Variants in CCDC85A observed in about 807,000 individuals in gnomAD.
CCDC85A encodes the protein coiled-coil domain containing 85A.
A neutral mutation model predicts 50.2 loss-of-function variants in CCDC85A; 38 were observed. That is an observed-to-expected ratio of 0.76 (90% CI 0.58 to 0.99). The LOEUF is 0.99. Among genes scored for constraint, CCDC85A ranks in the 50% least tolerant of loss-of-function variants. The pLI is 0.00. For synonymous variants in CCDC85A, 366 were observed against 301.4 expected (o/e 1.21, Z -2.22); for missense variants, 820 against 742.0 (o/e 1.11, Z -1.22).
intron 2 of CCDC85A, among the ~76,000 whole-genome samples, chr2:56,223,540 C>A (rs1417312356): frequency 6.6e-6 from 1 of 152,082 alleles, no homozygotes; most frequent in Non-Finnish European, 1.5e-5. Flanking sequence ...AATATAGATT[C>A]GAATCATTGC....
At chr2:56,285,403 C>T (rs768116710) in intron 2 of CCDC85A, among the ~76,000 whole-genome samples, 8 of 147,792 alleles carry the variant, frequency 5.4e-5, no homozygotes, top group East Asian at 2.0e-4. Context: ...CACACCTGGC[C>T]GAGTACATTT....
At chr2:56,330,923 G>C (rs745960133) in intron 2 of CCDC85A, among the ~76,000 whole-genome samples, 13 of 152,150 alleles carry the variant, frequency 8.5e-5, no homozygotes, top group Admixed American at 2.6e-4. Flanking sequence ...ACCTGCACTT[G>C]TATATTTATA....
At chr2:56,366,436 T>C (rs181116155) in intron 3 of CCDC85A, among the ~76,000 whole-genome samples, 6 of 152,320 alleles carry the variant, frequency 3.9e-5, no homozygotes, top group African/African-American at 1.4e-4. Context: ...TTTTTGATAA[T>C]AGTCATTTTA....
intron 2 of CCDC85A, among the ~76,000 whole-genome samples, chr2:56,313,250 T>A (rs895905661): frequency 2.0e-5 from 3 of 152,136 alleles, no homozygotes; most frequent in Non-Finnish European, 2.9e-5. Flanking sequence ...TTAAGTAATA[T>A]TTATATTTTT....
At chr2:56,295,595 T>C (rs1196984216) in intron 2 of CCDC85A, among the ~76,000 whole-genome samples, 1 of 152,154 alleles carries the variant, frequency 6.6e-6, no homozygotes, top group Non-Finnish European at 1.5e-5. Context: ...GCGTGGCAAG[T>C]GCTTGGCTCC....
At chr2:56,336,561 C>G (rs1015164447) in intron 2 of CCDC85A, among the ~76,000 whole-genome samples, 2 of 152,196 alleles carry the variant, frequency 1.3e-5, no homozygotes, top group Admixed American at 6.5e-5. Context: ...TTCATCTAAT[C>G]AAAACCACTC....
intron 2 of CCDC85A, among the ~76,000 whole-genome samples, chr2:56,225,728 TATTGCCATCCTAACA>T (rs1379498256): frequency 6.6e-6 from 1 of 152,216 alleles, no homozygotes; most frequent in Non-Finnish European, 1.5e-5. Context: ...ATTTGAAGAC[TATTGCCATCCTAACA>T]ATATTAAATC....
rs1676804846 is a variant in CCDC85A, at chr2:56,386,046, C to T, written c.*1691C>T. ...AGAAGCTAATACAAGGGACACTGGT[C>T]TTTTGACAAAATAAACTTGTGTAAA... is the stretch of plus-strand genomic sequence containing the variant. On this transcript the variant is annotated 3_prime_UTR_variant, in exon 6 of 6. Transcript: ENST00000407595. The T allele has an allele frequency of 1.3e-5, 2 of 152,146 alleles. No individual in the cohort carries two copies. The highest frequency in any genetic ancestry group is 2.9e-5 in the Non-Finnish European group (2 of 67,798). The allele number at this position is 152,146 out of a possible 1,614,324, so 9.4% of individuals were successfully genotyped here. A position where few individuals can be genotyped will look rare whatever the true frequency, so the allele number is the denominator to read the frequency against.
At chr2:56,213,621 G>A (rs1677269623) in intron 2 of CCDC85A, among the ~76,000 whole-genome samples, 1 of 151,858 alleles carries the variant, frequency 6.6e-6, no homozygotes, top group South Asian at 2.1e-4. Context: ...CGGGCTCTAG[G>A]ATCTAGGCCA....
chr2:56,327,534 T>G (rs1365967283), intron 2 of CCDC85A, among the ~76,000 whole-genome samples: 1 of 152,172 alleles, frequency 6.6e-6, no homozygotes, highest in Non-Finnish European at 1.5e-5. Context: ...TCGCCTTTTA[T>G]GCTAAATCAG....
intron 2 of CCDC85A, among the ~76,000 whole-genome samples, chr2:56,198,408 G>A (rs1676610849): frequency 6.6e-6 from 1 of 152,180 alleles, no homozygotes; most frequent in Non-Finnish European, 1.5e-5. Context: ...CTGACAGATG[G>A]TTAAAGAAAT....
intron 2 of CCDC85A, among the ~76,000 whole-genome samples, chr2:56,264,795 C>G (rs1293741396): frequency 6.6e-6 from 1 of 152,188 alleles, no homozygotes; most frequent in African/African-American, 2.4e-5. Flanking sequence ...GCCTCACCTC[C>G]CAGCATGCTC....
In CCDC85A at chr2:56,377,887, C is replaced by CAAA. The variant is rs58497352; in HGVS notation, c.1572+1966_1572+1968dup. 3.8e-4 allele frequency among the ~76,000 whole-genome samples: 36 copies of CAAA among 95,570 alleles called. 1 individual carries two copies. In the South Asian group the frequency reaches 8.0e-3, roughly 21 times the overall value. The allele number at this position is 95,570 out of a possible 152,430, so 62.7% of individuals were successfully genotyped here. ...TGGGTGACAGTGTGAAACTCCGTCT[C>CAAA]AAAAAAAAAAAAAAAAGATATATAT... is the stretch of plus-strand genomic sequence containing the variant. On this transcript the variant is annotated intron_variant, in intron 5 of 5. Transcript: ENST00000407595.
At chr2:56,266,044 G>A (rs574740010) in intron 2 of CCDC85A, among the ~76,000 whole-genome samples, 3 of 152,140 alleles carry the variant, frequency 2.0e-5, no homozygotes, top group Middle Eastern at 3.4e-3. Context: ...AGCCAGACAC[G>A]GAAAGACAAA....
chr2:56,195,166 A>C lies in CCDC85A; in HGVS notation c.1240+1726A>C, dbSNP rs573329029. 1.5e-3 allele frequency among the ~76,000 whole-genome samples: 224 copies of C among 152,372 alleles called. 1 individual carries two copies. The highest frequency in any genetic ancestry group is 6.8e-3 in the Middle Eastern group (2 of 294). On this transcript the variant is annotated intron_variant, in intron 2 of 5. Coordinates refer to ENST00000407595, the MANE Select transcript of CCDC85A (RefSeq NM_001080433.2). ...CACTTAAAAAACACTTTCTCTTTAC[A>C]AAAGGGCTTCTTTATATAAAGAACT...
intron 2 of CCDC85A, among the ~76,000 whole-genome samples, chr2:56,268,887 T>C (rs981859415): frequency 1.1e-4 from 17 of 152,166 alleles, no homozygotes; most frequent in African/African-American, 4.1e-4. Flanking sequence ...CTTTTTTTGT[T>C]ATTGTTAGTT....
At chr2:56,259,276 C>A (rs1047980196) in intron 2 of CCDC85A, among the ~76,000 whole-genome samples, 3 of 152,148 alleles carry the variant, frequency 2.0e-5, no homozygotes, top group Admixed American at 6.5e-5. Context: ...GCCTCACCAT[C>A]CATATTCCTA....
intron 1 of CCDC85A, chr2:56,185,554 T>A (rs1481957124): frequency 6.6e-6 from 1 of 152,384 alleles, no homozygotes; most frequent in Non-Finnish European, 1.5e-5. Context: ...AACCCCAGGT[T>A]GACTGGGGGA....
rs1356214210 is a variant in CCDC85A, at chr2:56,201,185, C to T, written c.1240+7745C>T. On this transcript the variant is annotated intron_variant, in intron 2 of 5. Coordinates refer to ENST00000407595, the MANE Select transcript of CCDC85A (RefSeq NM_001080433.2). ...ATATTTAAAAATGTTAAATGCATTA[C>T]GTTTAAAGATATTGAATGGTTTTTT... is the stretch of plus-strand genomic sequence containing the variant. 4.0e-5 allele frequency among the ~76,000 whole-genome samples: 6 copies of T among 151,338 alleles called. No individual in the cohort carries two copies. The South Asian group carries it at 6.2e-4, about 16-fold the overall frequency.
Sources: allele counts gnomAD v4.1 joint callset (sites outside exome capture counted in the v4.1 genomes callset), GRCh38; gene constraint gnomAD v4.1.1; transcripts MANE v1.5; gene names NCBI Gene and HGNC (gene_info 2026-07-23, HGNC 2026-07-21).